SMC1B: variants seen among roughly 807,000 people sequenced by gnomAD.
SMC1B encodes structural maintenance of chromosomes protein 1B.
SMC1B carries 60 observed loss-of-function variants against 157.9 expected under a neutral mutation model. The observed-to-expected ratio is 0.38, with a 90% CI of 0.31 to 0.47. SMC1B has a LOEUF of 0.47. Among genes scored for constraint, SMC1B ranks in the 20% least tolerant of loss-of-function variants. The pLI, the probability that SMC1B is intolerant of heterozygous loss-of-function variation, is 0.99. For missense variants in SMC1B, 1,165 were observed against 1,426.2 expected, an observed-to-expected ratio of 0.82 and a Z score of 2.95; for synonymous variants, 445 against 483.0, an observed-to-expected ratio of 0.92 and a Z score of 1.03.
chr22:45,353,884 A>C, intron 21 of SMC1B, 94 bp downstream of exon 21: 1 of 942,244 alleles, frequency 1.1e-6, no homozygotes. Context: ...GGCAGTGGTT[A>C]TTTCCCACCA....
intron 1 of SMC1B, 90 bp downstream of exon 1, chr22:45,413,369 C>G (rs2087376630): frequency 6.8e-6 from 7 of 1,029,810 alleles, no homozygotes; most frequent in East Asian, 2.7e-5. Flanking sequence ...CAGGCGCCCG[C>G]GGCAGACGCC....
chr22:45,382,165 G>A (rs757353778), intron 12 of SMC1B, among the ~76,000 whole-genome samples: 2 of 152,028 alleles, frequency 1.3e-5, no homozygotes, highest in Non-Finnish European at 2.9e-5. Context: ...GAAAGAATTT[G>A]GTCTTTCTAA....
intron 22 of SMC1B, among the ~76,000 whole-genome samples, chr22:45,350,914 G>A (rs962218950): frequency 5.3e-5 from 8 of 152,212 alleles, no homozygotes; most frequent in Non-Finnish European, 1.2e-4. Context: ...GCCTGCCACT[G>A]CTGCATACAG....
chr22:45,395,566 A>AC (rs2087113371), intron 7 of SMC1B, among the ~76,000 whole-genome samples: 4 of 152,186 alleles, frequency 2.6e-5, no homozygotes, highest in African/African-American at 9.7e-5. Flanking sequence ...TTAGATATAG[A>AC]TAAAAAATTG....
At position 45,372,091 on chromosome 22, in the gene SMC1B, G is replaced by A. The variant is rs997906500; in HGVS notation, c.2196+64C>T. 14 of 1,357,210 alleles carry A rather than the reference G, an allele frequency of 1.0e-5. No individual in the cohort carries two copies. The African/African-American group carries it at 1.8e-4, about 17-fold the overall frequency. 84.1% of individuals were successfully genotyped at this position (1,357,210 alleles called of 1,614,324 possible). On this transcript the variant is annotated intron_variant, in intron 13 of 24. Coordinates refer to ENST00000357450, the MANE Select transcript of SMC1B (RefSeq NM_148674.5). Reference sequence around the variant, plus strand: ...GAAAATTACATGGAGCTATATAAATGTAATTCCTGAAATTCTATGTTCTGG... The same window carrying A: ...GAAAATTACATGGAGCTATATAAATATAATTCCTGAAATTCTATGTTCTGG...
intron 15 of SMC1B, among the ~76,000 whole-genome samples, chr22:45,363,283 G>C (rs1364447160): frequency 6.6e-6 from 1 of 152,160 alleles, no homozygotes; most frequent in African/African-American, 2.4e-5. Context: ...AAGTATTTTT[G>C]TATGTATCTC....
At chr22:45,373,953 T>A (rs1426115444) in intron 12 of SMC1B, among the ~76,000 whole-genome samples, 1 of 151,608 alleles carries the variant, frequency 6.6e-6, no homozygotes, top group Non-Finnish European at 1.5e-5. Context: ...GAAAACATTC[T>A]AAAAAAAAGG....
At chr22:45,354,895 C>A in intron 20 of SMC1B, 64 bp downstream of exon 20, 1 of 1,509,220 alleles carries the variant, frequency 6.6e-7, no homozygotes, top group South Asian at 1.1e-5. Context: ...AGATTGTTGG[C>A]AAATGTTATA....
chr22:45,386,500 T>C (rs988654094), intron 11 of SMC1B, among the ~76,000 whole-genome samples: 2 of 152,042 alleles, frequency 1.3e-5, no homozygotes, highest in African/African-American at 4.8e-5. Context: ...GCCCACATTG[T>C]AAAATAAATA....
At chr22:45,394,145 A>C (rs136607) in intron 8 of SMC1B, among the ~76,000 whole-genome samples, 94,204 of 151,024 alleles carry the variant, frequency 0.62, 31,859 homozygotes, top group African/African-American at 0.9. Context: ...CATGGCAAAA[A>C]CCTGTCTCTA....
chr22:45,411,653 G>A (rs6007024), intron 1 of SMC1B, among the ~76,000 whole-genome samples: 3 of 151,704 alleles, frequency 2.0e-5, no homozygotes, highest in Non-Finnish European at 4.4e-5. Flanking sequence ...GTGGCGTGAT[G>A]TCAGCTCACT....
At chr22:45,375,725 T>C (rs2086877721) in intron 12 of SMC1B, among the ~76,000 whole-genome samples, 1 of 152,208 alleles carries the variant, frequency 6.6e-6, no homozygotes, top group Non-Finnish European at 1.5e-5. Flanking sequence ...TCTCCTGCCT[T>C]TAATTCATTA....
intron 12 of SMC1B, among the ~76,000 whole-genome samples, chr22:45,377,557 G>T (rs1302517192): frequency 1.3e-5 from 2 of 151,276 alleles, no homozygotes; most frequent in Non-Finnish European, 2.9e-5. Flanking sequence ...AGAATTGCTT[G>T]AACCCGGGAG....
intron 15 of SMC1B, among the ~76,000 whole-genome samples, chr22:45,366,914 T>C (rs1248214414): frequency 6.6e-6 from 1 of 152,202 alleles, no homozygotes; most frequent in Admixed American, 6.5e-5. Context: ...GCTTGATCCA[T>C]TCTGCTGTTA....
intron 1 of SMC1B, 116 bp downstream of exon 1, chr22:45,413,343 G>T (rs2146867120): frequency 2.6e-6 from 2 of 770,778 alleles, no homozygotes; most frequent in Non-Finnish European, 4.1e-6. Context: ...TCCGGGACTG[G>T]AAGGGGAAGG....
intron 12 of SMC1B, among the ~76,000 whole-genome samples, chr22:45,373,892 A>C (rs535157768): frequency 2.6e-4 from 39 of 152,308 alleles, no homozygotes; most frequent in Non-Finnish European, 2.4e-4. Context: ...AGTTACATTA[A>C]ATAATAGATA....
Position 45,344,455 on chromosome 22 carries a change from C to A in SMC1B, c.*101G>T. On this transcript the variant is annotated 3_prime_UTR_variant, in exon 25 of 25. Coordinates refer to ENST00000357450, the MANE Select transcript of SMC1B (RefSeq NM_148674.5). The stretch of plus-strand genomic sequence containing the variant: ...ACTAAGGTTTCTCTTAAAGGGTGCA[C>A]CAGGCTGGTCCTGCTTGCTCCAGAA... The A allele has an allele frequency of 1.3e-6, 1 of 791,578 alleles. No homozygotes were observed. The highest frequency in any genetic ancestry group is 2.1e-6 in the Non-Finnish European group (1 of 469,092). The allele number at this position is 791,578 out of a possible 1,614,324, so 49.0% of individuals were successfully genotyped here. A position where few individuals can be genotyped will look rare whatever the true frequency, so the allele number is the denominator to read the frequency against.
intron 20 of SMC1B, among the ~76,000 whole-genome samples, chr22:45,354,459 C>T (rs988275040): frequency 1.3e-5 from 2 of 152,072 alleles, no homozygotes; most frequent in African/African-American, 2.4e-5. Context: ...GGCGTGATCT[C>T]GGCTCACTGC....
intron 1 of SMC1B, among the ~76,000 whole-genome samples, chr22:45,412,127 G>A (rs1335859693): frequency 6.6e-6 from 1 of 152,156 alleles, no homozygotes; most frequent in Non-Finnish European, 1.5e-5. Context: ...TGATCCGCCC[G>A]CCTCGGCCTC....
Sources: allele counts gnomAD v4.1 joint callset (sites outside exome capture counted in the v4.1 genomes callset), GRCh38; gene constraint gnomAD v4.1.1; transcripts MANE v1.5; gene names NCBI Gene and HGNC (gene_info 2026-07-23, HGNC 2026-07-21).